Variants in PDS5B observed in about 807,000 individuals in gnomAD.
The protein encoded by PDS5B is sister chromatid cohesion protein PDS5 homolog B.
In PDS5B, 51 loss-of-function variants were observed where a neutral mutation model predicts 184.1. The ratio of observed to expected loss-of-function variants is 0.28; its 90% CI spans 0.22 to 0.35. The LOEUF (loss-of-function observed/expected upper bound fraction) is 0.35. Among genes scored for constraint, PDS5B ranks in the 10% least tolerant of loss-of-function variants. The probability of loss-of-function intolerance (pLI) is 1.00; values close to 1 mark genes in which losing one functional copy is unlikely to be tolerated. For synonymous variants in PDS5B, 566 were observed against 569.2 expected, an observed-to-expected ratio of 0.99 and a Z score of 0.08; for missense variants, 1,180 against 1,723.3, an observed-to-expected ratio of 0.68 and a Z score of 5.58.
In PDS5B at chr13:32,696,875, A is replaced by G. The variant is rs766713161; in HGVS notation, c.1573A>G (p.Ile525Val). 5 of 1,595,200 alleles carry G rather than the reference A, an allele frequency of 3.1e-6. No homozygotes were observed. The highest frequency in any genetic ancestry group is 1.7e-5 in the Admixed American group (1 of 58,250). The part of the protein sequence containing the change: ...QPKTDASVKA[I>V]FSKVMVITRN... ...ACAGACAGATGCCAGTGTCAAGGCC[A>G]TATTTTCAAAAGTGATGGTTATTAC... The change falls in exon 15 of 35, where the codon ATA becomes GTA. Residue 525 changes from isoleucine to valine, a missense_variant. Physicochemically the swap from Ile to Val is conservative, Grantham distance 29 (BLOSUM62 3). Around this residue, in one of 11 missense-constraint regions of PDS5B, gnomAD observed 475 missense variants for 691.5 expected, o/e 0.69. Transcript: ENST00000315596.
Position 32,706,926 on chromosome 13 carries a change from TA to T in PDS5B, c.1857-7del, listed in dbSNP as rs1333519071. On this transcript the variant is annotated splice_polypyrimidine_tract_variant and splice_region_variant and intron_variant, in intron 17 of 34. Transcript: ENST00000315596. The stretch of plus-strand genomic sequence containing the variant: ...TTTGAAAAAATGACTTTTTTGGTCA[TA>T]TTTTAGTGCTCTTATTAAACAAGTG... The T allele has an allele frequency of 1.3e-6, 2 of 1,575,320 alleles. No individual in the cohort carries two copies. The highest frequency in any genetic ancestry group is 2.7e-5 in the African/African-American group (2 of 73,612).
chr13:32,761,054 T>C (rs1392332348), intron 30 of PDS5B, among the ~76,000 whole-genome samples: 1 of 152,096 alleles, frequency 6.6e-6, no homozygotes, highest in African/African-American at 2.4e-5. Flanking sequence ...CATGATGAGG[T>C]CTGAGTTAGT....
At chr13:32,714,956 A>G (rs1952327866) in intron 19 of PDS5B, among the ~76,000 whole-genome samples, 1 of 152,246 alleles carries the variant, frequency 6.6e-6, no homozygotes, top group South Asian at 2.1e-4. Flanking sequence ...AAATCTTTAC[A>G]AATTTTATGT....
At chr13:32,747,212 TACTTTCAGTATG>T (rs1411012892) in intron 24 of PDS5B, among the ~76,000 whole-genome samples, 3 of 152,212 alleles carry the variant, frequency 2.0e-5, no homozygotes, top group Admixed American at 1.3e-4. Context: ...GTAAATAAAA[TACTTTCAGTATG>T]AGTTTTTCAT....
intron 19 of PDS5B, among the ~76,000 whole-genome samples, chr13:32,711,154 G>C (rs919871471): frequency 6.6e-6 from 1 of 151,506 alleles, no homozygotes; most frequent in African/African-American, 2.4e-5. Context: ...CCCCATGCCC[G>C]GCTAATTTTT....
chr13:32,769,937 A>G (rs2141036527), intron 31 of PDS5B, among the ~76,000 whole-genome samples, 184 bp from the exon 32 acceptor site: 1 of 152,322 alleles, frequency 6.6e-6, no homozygotes, highest in South Asian at 2.1e-4. Flanking sequence ...TTTATCCCAG[A>G]TAAGTTTTTA....
rs200545607 is a variant in PDS5B, at chr13:32,741,140, A to G, written c.2467A>G (p.Met823Val). ...AGATGAAGAAGTATCTCCTGAGACAATGGTCAAAGTGAGTAATGTGCATAG... is the reference window on the plus strand; with the variant it reads ...AGATGAAGAAGTATCTCCTGAGACAGTGGTCAAAGTGAGTAATGTGCATAG... ...VPDEEVSPETMVKIQAIKMMV... is the reference protein window; with the variant it reads ...VPDEEVSPETVVKIQAIKMMV... The change falls in exon 22 of 35, where the codon ATG (methionine) becomes GTG (valine). Residue 823 changes from methionine (M) to valine (V), a missense_variant. Transcript: ENST00000315596. 71 of 1,539,460 alleles carry G rather than the reference A, an allele frequency of 4.6e-5. No individual in the cohort carries two copies. Among genetic ancestry groups the G allele is most frequent in the East Asian group, 1.8e-4 (8 of 44,426 alleles).
At chr13:32,729,681 A>G (rs11843067) in intron 19 of PDS5B, among the ~76,000 whole-genome samples, 58,969 of 152,024 alleles carry the variant, frequency 0.39, 11,941 homozygotes, top group Non-Finnish European at 0.45. Context: ...TTTGATTTGC[A>G]TTTCTCTAAT....
chr13:32,722,574 A>G lies in PDS5B; in HGVS notation c.2124-9527A>G, dbSNP rs142968832. Among the ~76,000 whole-genome samples, 182 of 152,286 alleles carry G rather than the reference A, an allele frequency of 1.2e-3. 1 individual carries two copies. Among genetic ancestry groups the G allele is most frequent in the African/African-American group, 4.2e-3 (173 of 41,546 alleles). On this transcript the variant is annotated intron_variant, in intron 19 of 34. Coordinates refer to ENST00000315596, the MANE Select transcript of PDS5B (RefSeq NM_015032.4). ...ATCTAGGTTTATGTAAGTTTACTCT[A>G]TGATGTTCTCACAACAATGAAATCA...
chr13:32,699,180 TCATTTTTGATTC>T (rs1235839457), intron 15 of PDS5B, among the ~76,000 whole-genome samples: 3 of 152,326 alleles, frequency 2.0e-5, no homozygotes, highest in African/African-American at 7.2e-5. Context: ...AGTATAAAAA[TCATTTTTGATTC>T]TGCAAAGACT....
At chr13:32,752,606 G>A (rs1306511925) in intron 24 of PDS5B, among the ~76,000 whole-genome samples, 1 of 152,120 alleles carries the variant, frequency 6.6e-6, no homozygotes, top group Non-Finnish European at 1.5e-5. Flanking sequence ...CACAGAGGTG[G>A]GTGCTGGATA....
At chr13:32,661,385 CAAAAAAAAA>C (rs747985772) in intron 6 of PDS5B, among the ~76,000 whole-genome samples, 17 of 32,018 alleles carry the variant, frequency 5.3e-4, no homozygotes, top group Non-Finnish European at 1.7e-4. Flanking sequence ...GACTCTGTCT[CAAAAAAAAA>C]AAAAAAAAAA....
intron 20 of PDS5B, among the ~76,000 whole-genome samples, chr13:32,734,276 C>T (rs1273050801): frequency 1.3e-5 from 2 of 152,080 alleles, no homozygotes; most frequent in Non-Finnish European, 2.9e-5. Context: ...ATCTGCCTGC[C>T]TTGGCCTCCC....
At chr13:32,597,423 G>A (rs1252954709) in intron 1 of PDS5B, among the ~76,000 whole-genome samples, 8 of 151,950 alleles carry the variant, frequency 5.3e-5, no homozygotes. Context: ...GAGTGGCTGG[G>A]TGCAGTGGTA....
At chr13:32,594,353 C>T (rs1398489773) in intron 1 of PDS5B, among the ~76,000 whole-genome samples, 1 of 152,140 alleles carries the variant, frequency 6.6e-6, no homozygotes, top group African/African-American at 2.4e-5. Flanking sequence ...TTGCATACTT[C>T]CATACTGTGC....
At chr13:32,762,539 A>G (rs1041405736) in intron 30 of PDS5B, among the ~76,000 whole-genome samples, 3 of 152,166 alleles carry the variant, frequency 2.0e-5, no homozygotes, top group African/African-American at 4.8e-5. Flanking sequence ...AAATGGTCTC[A>G]TATTTAACAT....
At chr13:32,768,387 C>T (rs937310765) in intron 31 of PDS5B, among the ~76,000 whole-genome samples, 10 of 152,198 alleles carry the variant, frequency 6.6e-5, no homozygotes, top group Non-Finnish European at 1.0e-4. Context: ...CTCATCTCAA[C>T]GAAATACCTC....
intron 7 of PDS5B, 47 bp downstream of exon 7, chr13:32,667,891 T>G (rs746069721): frequency 8.4e-7 from 1 of 1,197,478 alleles, no homozygotes; most frequent in Non-Finnish European, 1.2e-6. Flanking sequence ...AACTGAAAAT[T>G]TAAAGACTTG....
chr13:32,598,896 A>C (rs422378), intron 1 of PDS5B, among the ~76,000 whole-genome samples: 3 of 151,322 alleles, frequency 2.0e-5, no homozygotes, highest in East Asian at 3.9e-4. Flanking sequence ...TCAGCCTTCC[A>C]AGTAGCTGGG....
Sources: gnomAD v4.1 joint callset for allele counts (sites outside exome capture counted in the v4.1 genomes callset) on GRCh38, gnomAD v4.1.1 for gene constraint, gnomAD v4.1.1 regional missense constraint, MANE v1.5 for transcripts, NCBI Gene and HGNC (gene_info 2026-07-23, HGNC 2026-07-21) for gene names.